Variants in FNIP1 observed in about 807,000 individuals in gnomAD.
FNIP1 encodes folliculin-interacting protein 1.
FNIP1 carries 40 observed loss-of-function variants against 124.5 expected under a neutral mutation model. That is an observed-to-expected ratio of 0.32 (90% confidence interval 0.25 to 0.42). The LOEUF is 0.42. Among genes scored for constraint, FNIP1 ranks in the 10% least tolerant of loss-of-function variants. The pLI, the probability that FNIP1 is intolerant of heterozygous loss-of-function variation, is 1.00. For synonymous variants in FNIP1, 472 were observed against 470.6 expected (o/e 1.00, Z -0.04); for missense variants, 1,176 against 1,403.7 (o/e 0.84, Z 2.59).
At chr5:131,755,660 A>G (rs1771025885) in intron 1 of FNIP1, among the ~76,000 whole-genome samples, 1 of 152,152 alleles carries the variant, frequency 6.6e-6, no homozygotes, top group African/African-American at 2.4e-5. Context: ...AAGATCAGTA[A>G]AGACAGACTA....
intron 15 of FNIP1, among the ~76,000 whole-genome samples, chr5:131,655,702 T>C (rs980900675): frequency 1.3e-5 from 2 of 151,778 alleles, no homozygotes; most frequent in African/African-American, 4.8e-5. Context: ...CTAATCTCTT[T>C]TCGAGGCCAT....
rs547218932 is a variant in FNIP1, at chr5:131,708,144, A to G, written c.778+1057T>C. Among the ~76,000 whole-genome samples the G allele has an allele frequency of 2.0e-5, 3 of 152,334 alleles. No individual in the cohort carries two copies. In the East Asian group the frequency reaches 5.8e-4, roughly 29 times the overall value. On this transcript the variant is annotated intron_variant, in intron 8 of 17. Coordinates refer to ENST00000510461, the MANE Select transcript of FNIP1 (RefSeq NM_133372.3). ...GCATTTTGTTTTGTTTCACAAATAC[A>G]GATGCCTAGAGATACCTTCTCTAGG...
At position 131,695,153 on chromosome 5, in the gene FNIP1, A is replaced by AGC. The variant is rs1561659497; in HGVS notation, c.1202+3763_1202+3764insGC. Among the ~76,000 whole-genome samples the AGC allele has an allele frequency of 3.7e-3, 527 of 141,022 alleles. 2 individuals are homozygous for AGC. The highest frequency in any genetic ancestry group is 0.013 in the African/African-American group (506 of 39,234). The allele number at this position is 141,022 out of a possible 152,430, so 92.5% of individuals were successfully genotyped here. ...TAAATAAATAAATAAATAAATAAAT[A>AGC]AAGCATTAACTGGGAAAACTGTAGG... On this transcript the variant is annotated intron_variant, in intron 11 of 17. Transcript: ENST00000510461.
At chr5:131,709,119 T>C in intron 8 of FNIP1, 82 bp downstream of exon 8, 5 of 1,109,420 alleles carry the variant, frequency 4.5e-6, no homozygotes, top group Non-Finnish European at 6.8e-6. Context: ...TGAACAAATT[T>C]GATAATAAAG....
intron 1 of FNIP1, among the ~76,000 whole-genome samples, chr5:131,793,367 T>C (rs1772473235): frequency 6.6e-6 from 1 of 152,192 alleles, no homozygotes; most frequent in South Asian, 2.1e-4. Context: ...ACTATAGTTA[T>C]TGGGCTTATA....
intron 1 of FNIP1, among the ~76,000 whole-genome samples, chr5:131,779,096 T>C (rs1464229143): frequency 2.1e-5 from 3 of 142,562 alleles, no homozygotes; most frequent in South Asian, 2.3e-4. Context: ...TGTATACATA[T>C]GTAACTAACC....
At chr5:131,761,976 C>T (rs1771246491) in intron 1 of FNIP1, among the ~76,000 whole-genome samples, 1 of 152,014 alleles carries the variant, frequency 6.6e-6, no homozygotes, top group Admixed American at 6.6e-5. Flanking sequence ...ATTCATTTTC[C>T]AACAAAGCTG....
intron 2 of FNIP1, among the ~76,000 whole-genome samples, chr5:131,731,971 A>C (rs2149550804): frequency 6.6e-6 from 1 of 152,358 alleles, no homozygotes; most frequent in East Asian, 1.9e-4. Flanking sequence ...CTAATGTAAT[A>C]AATAAAATTT....
intron 3 of FNIP1, among the ~76,000 whole-genome samples, chr5:131,722,828 G>A (rs1769718931): frequency 6.6e-6 from 1 of 152,112 alleles, no homozygotes; most frequent in South Asian, 2.1e-4. Context: ...TGGCAATACA[G>A]GTGCGTACCA....
At chr5:131,736,076 C>T (rs184141201) in intron 2 of FNIP1, among the ~76,000 whole-genome samples, 98 of 152,126 alleles carry the variant, frequency 6.4e-4, no homozygotes, top group Middle Eastern at 3.4e-3. Context: ...CATTCAACCT[C>T]GTTATAATTG....
chr5:131,724,168 A>G (rs1769774476), intron 3 of FNIP1, among the ~76,000 whole-genome samples: 1 of 152,176 alleles, frequency 6.6e-6, no homozygotes, highest in African/African-American at 2.4e-5. Flanking sequence ...TGCAATAAAC[A>G]TATGTATCCA....
intron 1 of FNIP1, among the ~76,000 whole-genome samples, chr5:131,790,648 C>T (rs185473931): frequency 7.2e-5 from 11 of 152,220 alleles, no homozygotes; most frequent in South Asian, 4.1e-4. Flanking sequence ...AGAAGAGAGA[C>T]GTGGACAATG....
At position 131,671,537 on chromosome 5, in the gene FNIP1, A is replaced by G. The variant is rs1380326308; in HGVS notation, c.2907T>C (p.Asp969=). The G allele has an allele frequency of 6.2e-7, 1 of 1,612,024 alleles. No individual in the cohort carries two copies. Among genetic ancestry groups the G allele is most frequent in the South Asian group, 1.1e-5 (1 of 91,016 alleles). The part of the protein sequence containing the change: ...VSSYYGGEQE[D]WAEEDEIPFP... ...AAGGTATCTCATCCTCTTCTGCCCA[A>G]TCTTCTTGCTCTCCTCCATAATAAC... Residue 969 remains aspartate (D), a synonymous_variant, in exon 14 of 18, where the codon GAT becomes GAC. Transcript: ENST00000510461.
chr5:131,671,642 T>C lies in FNIP1; in HGVS notation c.2802A>G (p.Pro934=), dbSNP rs1449539433. The C allele has an allele frequency of 6.2e-7, 1 of 1,614,050 alleles. No individual in the cohort carries two copies. Among genetic ancestry groups the C allele is most frequent in the East Asian group, 2.2e-5 (1 of 44,886 alleles). Residue 934 remains proline, a synonymous_variant, in exon 14 of 18, where the codon CCA becomes CCG. Coordinates refer to ENST00000510461, the MANE Select transcript of FNIP1 (RefSeq NM_133372.3). ...KIAVGTEWDI[P]RNESSDSALG... ...GGGCACTGTCTGAACTTTCATTTCT[T>C]GGAATGTCCCATTCAGTTCCTACAG...
rs1456844483 is a variant in FNIP1 at position 131,759,415 on chromosome 5, A to G, written c.93-14725T>C. The stretch of plus-strand genomic sequence containing the variant: ...TACACAAATCTACAAGCAAAAAACA[A>G]CCCCATTAAAAAAATGGCCAAAGAC... On this transcript the variant is annotated intron_variant, in intron 1 of 17. Coordinates refer to ENST00000510461, the MANE Select transcript of FNIP1 (RefSeq NM_133372.3). Among the ~76,000 whole-genome samples, 5 of 152,156 alleles carry G rather than the reference A, an allele frequency of 3.3e-5. No individual in the cohort carries two copies. The East Asian group carries it at 9.7e-4, about 29-fold the overall frequency.
chr5:131,752,794 G>A (rs955179300), intron 1 of FNIP1, among the ~76,000 whole-genome samples: 7 of 152,142 alleles, frequency 4.6e-5, no homozygotes, highest in African/African-American at 1.4e-4. Flanking sequence ...ACGGCCGGGC[G>A]CGGTGGCTCA....
At chr5:131,721,261 TC>T (rs1769650714) in intron 3 of FNIP1, among the ~76,000 whole-genome samples, 1 of 151,952 alleles carries the variant, frequency 6.6e-6, no homozygotes, top group South Asian at 2.1e-4. Flanking sequence ...AGATAAATAC[TC>T]CACTTATATG....
chr5:131,707,849 T>C (rs958313788), intron 8 of FNIP1, among the ~76,000 whole-genome samples: 10 of 152,202 alleles, frequency 6.6e-5, no homozygotes, highest in African/African-American at 2.4e-4. Flanking sequence ...TCTAGCCAGA[T>C]GCTTCAACTT....
chr5:131,734,274 C>G (rs191168492), intron 2 of FNIP1, among the ~76,000 whole-genome samples: 1 of 152,056 alleles, frequency 6.6e-6, no homozygotes, highest in African/African-American at 2.4e-5. Flanking sequence ...TTCAAAAAAC[C>G]AGCTCCTGGA....
Sources: allele counts gnomAD v4.1 joint callset (sites outside exome capture counted in the v4.1 genomes callset), GRCh38; gene constraint gnomAD v4.1.1; transcripts MANE v1.5; gene names NCBI Gene and HGNC (gene_info 2026-07-23, HGNC 2026-07-21).